VWA2: variants seen among roughly 807,000 people sequenced by gnomAD.
VWA2 encodes the protein von Willebrand factor A domain containing 2, also known as von Willebrand factor A domain-containing protein 2.
Under a neutral mutation model 70.4 loss-of-function variants are expected in VWA2, and 73 were observed. That is an observed-to-expected ratio of 1.04 (90% CI 0.86 to 1.26). The LOEUF (loss-of-function observed/expected upper bound fraction) is 1.26. Ranked by LOEUF, VWA2 falls within the 50% of genes most tolerant of loss-of-function variation. The pLI, the probability that VWA2 is intolerant of heterozygous loss-of-function variation, is 0.00. For synonymous variants in VWA2, 407 were observed against 423.3 expected (o/e 0.96, Z 0.47); for missense variants, 1,011 against 998.5 (o/e 1.01, Z -0.17).
rs2039326491 is a variant in VWA2, at chr10:114,289,468, C to T, written c.2101C>T (p.Leu701Phe). ...CGACCTGCGGTACCACCAGGACGTGCTCATTGAGTGGCTGTGTGGAGGTGA... is the reference window on the plus strand; with the variant it reads ...CGACCTGCGGTACCACCAGGACGTGTTCATTGAGTGGCTGTGTGGAGGTGA... ...YADLRYHQDV[L>F]IEWLCGEAKQ... The change falls in exon 12 of 14, where the codon CTC (leucine) becomes TTC (phenylalanine). Residue 701 changes from leucine (L) to phenylalanine (F), a missense_variant. Physicochemically the swap from Leu to Phe is conservative, Grantham distance 22 (BLOSUM62 0). Transcript: ENST00000392982. 1.2e-6 allele frequency: 2 copies of T among 1,614,234 alleles called. No individual in the cohort carries two copies. Among genetic ancestry groups the T allele is most frequent in the Non-Finnish European group, 1.7e-6 (2 of 1,180,032 alleles).
chr10:114,241,487 C>T (rs1043087270), intron 1 of VWA2, among the ~76,000 whole-genome samples: 3 of 152,104 alleles, frequency 2.0e-5, no homozygotes, highest in Admixed American at 6.5e-5. Context: ...TGGTGTCTTT[C>T]GCTCGGTAAT....
chr10:114,278,656 G>A, intron 7 of VWA2, 63 bp from the exon 8 acceptor site: 1 of 1,599,598 alleles, frequency 6.3e-7, no homozygotes, highest in South Asian at 1.1e-5. Context: ...GGGGAAGCGT[G>A]TGTGGCAGGA....
Position 114,261,235 on chromosome 10 carries a change from C to T in VWA2, c.311C>T (p.Pro104Leu), listed in dbSNP as rs758274579. ...QFSSTPHLEFPLDSFSTQQEV... is the reference protein window; with the variant it reads ...QFSSTPHLEFLLDSFSTQQEV... ...AGTTCCACTCCTCATCTGGAATTCC[C>T]CTTGGATTCATTTTCAACCCAACAG... Residue 104 changes from proline to leucine, a missense_variant, in exon 5 of 14, where the codon CCC becomes CTC. Coordinates refer to ENST00000392982, the MANE Select transcript of VWA2 (RefSeq NM_001272046.2). 4 of 1,614,112 alleles carry T rather than the reference C, an allele frequency of 2.5e-6. No homozygotes were observed. The highest frequency in any genetic ancestry group is 2.2e-5 in the East Asian group (1 of 44,878).
At chr10:114,288,845 C>T in intron 11 of VWA2, 93 bp from the exon 12 acceptor site, 1 of 1,408,192 alleles carries the variant, frequency 7.1e-7, no homozygotes, top group Non-Finnish European at 9.7e-7. Flanking sequence ...CCCTGGCTGA[C>T]CTTGGTCCTA....
chr10:114,246,517 AAAAAAAAAC>A lies in VWA2; in HGVS notation c.-10-2186_-10-2178del, dbSNP rs2133282610. The A allele has an allele frequency of 6.2e-5, 49 of 792,694 alleles. No homozygotes were observed. The African/African-American group carries it at 6.6e-4, about 11-fold the overall frequency. The allele number at this position is 792,694 out of a possible 1,614,324, so 49.1% of individuals were successfully genotyped here. On this transcript the variant is annotated intron_variant, in intron 1 of 13. Coordinates refer to ENST00000392982, the MANE Select transcript of VWA2 (RefSeq NM_001272046.2). ...AGAAACTCCATCTCAAAAAAAAAAA[AAAAAAAAAC>A]GAGTATCATGGGTTGAATTCACATT...
intron 5 of VWA2, among the ~76,000 whole-genome samples, chr10:114,263,232 C>G (rs11599629): frequency 0.07 from 10,533 of 151,438 alleles, 512 homozygotes; most frequent in Middle Eastern, 0.14. Flanking sequence ...CCAGGCTGGT[C>G]TTGAACTGCT....
In VWA2 at chr10:114,241,204, G is replaced by A. The variant is rs542873250; in HGVS notation, c.-11+1635G>A. The stretch of plus-strand genomic sequence containing the variant: ...CAGTGGTACATTTGTTCCAACTGAT[G>A]AACCGACACTGGCACATCATTATGA... On this transcript the variant is annotated intron_variant, in intron 1 of 13. Coordinates refer to ENST00000392982, the MANE Select transcript of VWA2 (RefSeq NM_001272046.2). Among the ~76,000 whole-genome samples, 403 of 152,286 alleles carry A rather than the reference G, an allele frequency of 2.6e-3. 7 individuals carry two copies. The highest frequency in any genetic ancestry group is 0.021 in the Admixed American group (317 of 15,298).
At chr10:114,288,626 G>A (rs1275871800) in intron 11 of VWA2, among the ~76,000 whole-genome samples, 2 of 152,230 alleles carry the variant, frequency 1.3e-5, no homozygotes. Context: ...GGGGGAGAGG[G>A]GAAGTGGAAG....
intron 9 of VWA2, among the ~76,000 whole-genome samples, chr10:114,283,299 G>A (rs1159834566): frequency 7.1e-6 from 1 of 141,100 alleles, no homozygotes; most frequent in Non-Finnish European, 1.5e-5. Context: ...GCAGGGCAGC[G>A]AGCAGTTAGA....
intron 4 of VWA2, 75 bp from the exon 5 acceptor site, chr10:114,261,111 C>T: frequency 1.8e-6 from 2 of 1,094,930 alleles, no homozygotes; most frequent in Non-Finnish European, 2.8e-6. Context: ...GTTAACTTTT[C>T]TTGCCCCTTC....
At chr10:114,272,368 C>G (rs2037727906) in intron 5 of VWA2, among the ~76,000 whole-genome samples, 1 of 152,148 alleles carries the variant, frequency 6.6e-6, no homozygotes, top group Non-Finnish European at 1.5e-5. Flanking sequence ...ATCTGCTTTC[C>G]CAACCCAGGA....
chr10:114,272,941 G>C lies in VWA2; in HGVS notation c.566+7G>C, dbSNP rs113901745. 6.2e-7 allele frequency: 1 copy of C among 1,606,154 alleles called. No individual in the cohort carries two copies. Among genetic ancestry groups the C allele is most frequent in the African/African-American group, 1.3e-5 (1 of 74,906 alleles). On this transcript the variant is annotated splice_region_variant and intron_variant, in intron 6 of 13. Transcript: ENST00000392982. ...TGGGGGTCAGGTTTCCCAGGTAAGA[G>C]CCTCAGTCACCCTGGATCAGCCCTC...
At chr10:114,242,826 T>C (rs1277015539) in intron 1 of VWA2, among the ~76,000 whole-genome samples, 1 of 152,238 alleles carries the variant, frequency 6.6e-6, no homozygotes, top group African/African-American at 2.4e-5. Flanking sequence ...AATGATAAAC[T>C]TTTAACATCA....
chr10:114,259,310 C>T (rs998990460), intron 4 of VWA2, among the ~76,000 whole-genome samples: 2 of 152,160 alleles, frequency 1.3e-5, no homozygotes, highest in African/African-American at 4.8e-5. Flanking sequence ...TGTTCAAATC[C>T]TTTGCCCATT....
chr10:114,287,677 G>C (rs10885543), intron 11 of VWA2, among the ~76,000 whole-genome samples: 108,771 of 152,066 alleles, frequency 0.72, 40,998 homozygotes, highest in Non-Finnish European at 0.83. Context: ...CTGCTGCTTT[G>C]TTTGGTTGGA....
At chr10:114,251,754 G>A (rs536313412) in intron 2 of VWA2, among the ~76,000 whole-genome samples, 122 of 152,140 alleles carry the variant, frequency 8.0e-4, no homozygotes, top group African/African-American at 2.8e-3. Context: ...ATTATGGGGT[G>A]GGCCGCAGTG....
At chr10:114,245,443 G>A (rs915818322) in intron 1 of VWA2, among the ~76,000 whole-genome samples, 1 of 152,116 alleles carries the variant, frequency 6.6e-6, no homozygotes, top group South Asian at 2.1e-4. Context: ...TCAGTCTCCT[G>A]CCAGTGCCCA....
chr10:114,260,771 T>A (rs1453604231), intron 4 of VWA2, among the ~76,000 whole-genome samples: 1 of 152,144 alleles, frequency 6.6e-6, no homozygotes, highest in African/African-American at 2.4e-5. Context: ...TCTCCAACCA[T>A]AATGTGGGTG....
rs1589755633 is a variant in VWA2 at position 114,267,457 on chromosome 10, G to C, written c.372-5283G>C. On this transcript the variant is annotated intron_variant, in intron 5 of 13. Transcript: ENST00000392982. ...TATTATTATTGTTATTTTTAAGACA[G>C]GGTCTTTCTCTGTCACCCAGGCTGG... is the stretch of plus-strand genomic sequence containing the variant. 1.1e-4 allele frequency among the ~76,000 whole-genome samples: 16 copies of C among 145,204 alleles called. No individual in the cohort carries two copies. In the South Asian group the frequency reaches 3.6e-3, roughly 32 times the overall value.
Sources: gnomAD v4.1 joint callset for allele counts (sites outside exome capture counted in the v4.1 genomes callset) on GRCh38, gnomAD v4.1.1 for gene constraint, MANE v1.5 for transcripts, NCBI Gene and HGNC (gene_info 2026-07-23, HGNC 2026-07-21) for gene names.